The following SLC4A5 variants were observed in gnomAD, a reference collection of about 807,000 sequenced individuals.
SLC4A5 encodes electrogenic sodium bicarbonate cotransporter 4.
Under a neutral mutation model 120.4 loss-of-function variants are expected in SLC4A5, and 96 were observed. The ratio of observed to expected loss-of-function variants is 0.80; its 90% confidence interval spans 0.68 to 0.94. The LOEUF (loss-of-function observed/expected upper bound fraction) is 0.94. Ranked by LOEUF, SLC4A5 falls within the 40% of genes least tolerant of loss-of-function variation. The probability of loss-of-function intolerance (pLI) is 0.00; values close to 1 mark genes in which losing one functional copy is unlikely to be tolerated. For missense variants in SLC4A5, 1,259 were observed against 1,459.5 expected (o/e 0.86, Z 2.24); for synonymous variants, 550 against 571.1 (o/e 0.96, Z 0.53).
chr2:74,269,371 G>GTTTT (rs1176766093), intron 8 of SLC4A5, among the ~76,000 whole-genome samples: 8 of 141,750 alleles, frequency 5.6e-5, no homozygotes, highest in African/African-American at 1.9e-4. Flanking sequence ...AGGCCCGGCT[G>GTTTT]TTTGTTTTTT....
At chr2:74,266,003 G>A (rs1473898380) in intron 8 of SLC4A5, among the ~76,000 whole-genome samples, 1 of 152,160 alleles carries the variant, frequency 6.6e-6, no homozygotes, top group Non-Finnish European at 1.5e-5. Flanking sequence ...ACAAATGCAT[G>A]GGTAGCTCCA....
chr2:74,338,460 C>T (rs1454230068), intron 3 of SLC4A5, among the ~76,000 whole-genome samples: 1 of 152,150 alleles, frequency 6.6e-6, no homozygotes, highest in Non-Finnish European at 1.5e-5. Context: ...CATCTACTTG[C>T]CAGTGAGATG....
At chr2:74,295,862 T>TCCA (rs1270812554) in intron 7 of SLC4A5, among the ~76,000 whole-genome samples, 1 of 152,008 alleles carries the variant, frequency 6.6e-6, no homozygotes, top group African/African-American at 2.4e-5. Context: ...TGAGACTGAG[T>TCCA]CCACCAAGCA....
chr2:74,307,878 G>A (rs1200000155), intron 6 of SLC4A5: 1 of 482,772 alleles, frequency 2.1e-6, no homozygotes, highest in Non-Finnish European at 4.0e-6. Flanking sequence ...AGAGATCCAG[G>A]AACCAGAGCC....
intron 8 of SLC4A5, 104 bp from the exon 9 acceptor site, chr2:74,265,368 G>A: frequency 1.5e-6 from 2 of 1,372,976 alleles, no homozygotes; most frequent in Non-Finnish European, 2.0e-6. Flanking sequence ...TGCTATGTAT[G>A]TGGTTGTGGT....
At chr2:74,224,543 C>A (rs1694774080) in intron 28 of SLC4A5, among the ~76,000 whole-genome samples, 1 of 152,216 alleles carries the variant, frequency 6.6e-6, no homozygotes, top group South Asian at 2.1e-4. Context: ...CCCACAGGAA[C>A]CCGCTTGCTG....
At chr2:74,338,181 A>G (rs896216132) in intron 3 of SLC4A5, among the ~76,000 whole-genome samples, 1 of 152,166 alleles carries the variant, frequency 6.6e-6, no homozygotes, top group Admixed American at 6.5e-5. Context: ...GGTTTTGACC[A>G]TAGGCATAGG....
At chr2:74,272,991 GAGTA>G (rs1344488071) in intron 8 of SLC4A5, among the ~76,000 whole-genome samples, 11 of 152,334 alleles carry the variant, frequency 7.2e-5, no homozygotes, top group African/African-American at 2.6e-4. Flanking sequence ...TGCTGGGCTA[GAGTA>G]AGTATCAGCA....
intron 7 of SLC4A5, among the ~76,000 whole-genome samples, chr2:74,296,157 G>A (rs780702712): frequency 2.6e-5 from 4 of 152,074 alleles, no homozygotes; most frequent in Non-Finnish European, 5.9e-5. Flanking sequence ...TAGGAGAACA[G>A]CCCTCTTGGC....
chr2:74,283,094 C>G (rs1671865903), intron 8 of SLC4A5, among the ~76,000 whole-genome samples: 1 of 152,184 alleles, frequency 6.6e-6, no homozygotes, highest in African/African-American at 2.4e-5. Flanking sequence ...GACCTATGTT[C>G]TTCCCTGGAA....
intron 3 of SLC4A5, among the ~76,000 whole-genome samples, chr2:74,334,606 G>A (rs1673438830): frequency 1.3e-5 from 2 of 152,052 alleles, no homozygotes; most frequent in South Asian, 2.1e-4. Context: ...CTTTTTGTCT[G>A]TTCCTCCAAT....
At chr2:74,267,442 T>C (rs1671340466) in intron 8 of SLC4A5, among the ~76,000 whole-genome samples, 1 of 152,246 alleles carries the variant, frequency 6.6e-6, no homozygotes, top group African/African-American at 2.4e-5. Flanking sequence ...TGTATGTCCA[T>C]GTTGTGGAAT....
intron 8 of SLC4A5, among the ~76,000 whole-genome samples, chr2:74,271,217 C>T (rs1045180453): frequency 6.6e-6 from 1 of 152,150 alleles, no homozygotes; most frequent in Non-Finnish European, 1.5e-5. Flanking sequence ...TTCCACTGCC[C>T]AGCGAGAATG....
At chr2:74,311,492 T>A (rs1303229179) in intron 6 of SLC4A5, among the ~76,000 whole-genome samples, 2 of 152,244 alleles carry the variant, frequency 1.3e-5, no homozygotes, top group Non-Finnish European at 1.5e-5. Flanking sequence ...TTTTGATAAG[T>A]TGAATTTTCA....
intron 7 of SLC4A5, among the ~76,000 whole-genome samples, chr2:74,294,174 T>C (rs1035823639): frequency 2.0e-5 from 3 of 152,142 alleles, no homozygotes; most frequent in Non-Finnish European, 4.4e-5. Flanking sequence ...CAAGGCTAGC[T>C]GAGAAATTCA....
chr2:74,283,307 G>A (rs1671871261), intron 8 of SLC4A5, among the ~76,000 whole-genome samples: 2 of 152,174 alleles, frequency 1.3e-5, no homozygotes, highest in Non-Finnish European at 2.9e-5. Context: ...TAGGGATAAT[G>A]AAAATTCCAC....
intron 19 of SLC4A5, among the ~76,000 whole-genome samples, chr2:74,243,178 C>T (rs922926038): frequency 2.0e-5 from 3 of 152,288 alleles, no homozygotes; most frequent in East Asian, 3.9e-4. Context: ...GATCACATGA[C>T]GGTCTACAGG....
chr2:74,254,787 A>C, intron 13 of SLC4A5, 81 bp from the exon 14 acceptor site: 1 of 1,070,674 alleles, frequency 9.3e-7, no homozygotes, highest in Non-Finnish European at 1.4e-6. Context: ...GAAGCAAGTG[A>C]AGAGAATTCT....
rs775821704 is a variant in SLC4A5, at chr2:74,304,484, C to T, written c.271+5G>A. ...TCCCCAGAATGTACCCCTCAAGGAA[C>T]TCACGAGTCCTGCTGATAAGATCCA... is the stretch of plus-strand genomic sequence containing the variant. On this transcript the variant is annotated splice_donor_5th_base_variant and intron_variant, in intron 7 of 30. Transcript: ENST00000394019. The T allele has an allele frequency of 3.1e-6, 5 of 1,605,460 alleles. No homozygotes were observed. The African/African-American group carries it at 6.7e-5, about 21-fold the overall frequency.
Sources: gnomAD v4.1 joint callset for allele counts (sites outside exome capture counted in the v4.1 genomes callset) on GRCh38, gnomAD v4.1.1 for gene constraint, MANE v1.5 for transcripts, NCBI Gene and HGNC (gene_info 2026-07-23, HGNC 2026-07-21) for gene names.